Variants in MACF1 observed in about 807,000 individuals in gnomAD.
The protein encoded by MACF1 is microtubule actin crosslinking factor 1.
A neutral mutation model predicts 854.8 loss-of-function variants in MACF1; 193 were observed. The ratio of observed to expected loss-of-function variants is 0.23; its 90% CI spans 0.20 to 0.25. The LOEUF is 0.25. Ranked by LOEUF, MACF1 falls within the 10% of genes least tolerant of loss-of-function variation. The probability of loss-of-function intolerance (pLI) is 1.00; values close to 1 mark genes in which losing one functional copy is unlikely to be tolerated. For synonymous variants in MACF1, 3,185 were observed against 3,226.7 expected (o/e 0.99, Z 0.44); for missense variants, 7,722 against 8,929.1 (o/e 0.86, Z 5.45).
intron 44 of MACF1, among the ~76,000 whole-genome samples, chr1:39,355,362 A>G (rs989544504): frequency 6.6e-6 from 1 of 151,824 alleles, no homozygotes; most frequent in African/African-American, 2.4e-5. Flanking sequence ...AATGAAGGAC[A>G]CCTAGGTGAT....
At position 39,451,163 on chromosome 1, in the gene MACF1, C is replaced by T. The variant is rs201606413; in HGVS notation, c.20370C>T (p.Pro6790=). Residue 6790 remains proline, a synonymous_variant, in exon 85 of 101, where the codon CCC becomes CCT. Coordinates refer to ENST00000564288, the MANE Select transcript of MACF1 (RefSeq NM_001394062.1). The part of the protein sequence containing the change: ...KVEPQLAEDQ[P]VHGDLDLVMN... ...AGCCACAGCTGGCTGAGGACCAGCCCGTGCACGGGGACCTTGACCTCGTCA... is the reference window on the plus strand; with the variant it reads ...AGCCACAGCTGGCTGAGGACCAGCCTGTGCACGGGGACCTTGACCTCGTCA... 48 of 1,613,942 alleles carry T rather than the reference C, an allele frequency of 3.0e-5. No individual in the cohort carries two copies. The highest frequency in any genetic ancestry group is 4.5e-5 in the East Asian group (2 of 44,874).
chr1:39,208,336 C>T (rs183242966), intron 1 of MACF1, among the ~76,000 whole-genome samples: 113 of 152,154 alleles, frequency 7.4e-4, no homozygotes, highest in Non-Finnish European at 1.5e-3. Flanking sequence ...CCTTCCTTGA[C>T]TGAAATACGA....
At position 39,269,709 on chromosome 1, in the gene MACF1, G is replaced by A. The variant is rs1483900191; in HGVS notation, c.528+11681G>A. ...GGAGGCAAGCCACACCCCATCATGG[G>A]GTCTGGAAGAGGTAGGTGGGCATGT... On this transcript the variant is annotated intron_variant, in intron 6 of 100. Transcript: ENST00000564288. 4 of 1,289,144 alleles carry A rather than the reference G, an allele frequency of 3.1e-6. No individual in the cohort carries two copies. The East Asian group carries it at 1.7e-4, about 54-fold the overall frequency. 79.9% of individuals were successfully genotyped at this position (1,289,144 alleles called of 1,614,324 possible). A position where few individuals can be genotyped will look rare whatever the true frequency, so the allele number is the denominator to read the frequency against.
At chr1:39,233,354 A>G (rs886273055) in intron 2 of MACF1, among the ~76,000 whole-genome samples, 1 of 152,058 alleles carries the variant, frequency 6.6e-6, no homozygotes, top group Non-Finnish European at 1.5e-5. Flanking sequence ...TTTCTTGTTT[A>G]TGGGGCCTTG....
intron 88 of MACF1, 96 bp downstream of exon 88, chr1:39,453,946 C>T: frequency 1.4e-6 from 2 of 1,402,700 alleles, no homozygotes; most frequent in Non-Finnish European, 2.0e-6. Flanking sequence ...ATCTTTCACT[C>T]ACTGTGAATA....
rs1644524932 is a variant in MACF1, at chr1:39,460,126, A to T, written c.21361-506A>T. ...TGCCATTCCAAAGAAACATGCTTGG[A>T]TACAACATTGGGTTCCCAATGCTTC... On this transcript the variant is annotated intron_variant, in intron 91 of 100. Coordinates refer to ENST00000564288, the MANE Select transcript of MACF1 (RefSeq NM_001394062.1). The surrounding 1 kb of genome is among the most constrained non-coding windows in gnomAD (Gnocchi z 4.1). 6.6e-6 allele frequency among the ~76,000 whole-genome samples: 1 copy of T among 152,234 alleles called. No individual in the cohort carries two copies. The highest frequency in any genetic ancestry group is 2.1e-4 in the South Asian group (1 of 4,826).
chr1:39,335,283 A>G lies in MACF1; in HGVS notation c.8695A>G (p.Arg2899Gly), dbSNP rs1646791622. ...ECDFKLKEVA[R>G]NNMGNDTNEE... ...TGATTTTAAACTTAAAGAAGTGGCT[A>G]GAAATAACATGGGAAATGATACAAA... The change falls in exon 37 of 101, where the codon AGA becomes GGA. Residue 2899 changes from arginine (R) to glycine (G), a missense_variant. Physicochemically the swap from Arg to Gly is moderately radical, Grantham distance 125 (BLOSUM62 -2). Transcript: ENST00000564288. 2 of 1,613,984 alleles carry G rather than the reference A, an allele frequency of 1.2e-6. No individual in the cohort carries two copies. Among genetic ancestry groups the G allele is most frequent in the Non-Finnish European group, 1.7e-6 (2 of 1,179,982 alleles).
intron 1 of MACF1, among the ~76,000 whole-genome samples, chr1:39,218,663 G>C (rs1344754431): frequency 6.6e-6 from 1 of 152,122 alleles, no homozygotes; most frequent in African/African-American, 2.4e-5. Flanking sequence ...TTTTGTTACC[G>C]TGCTTACCCC....
chr1:39,230,353 A>G (rs780343694), intron 1 of MACF1, among the ~76,000 whole-genome samples: 12 of 152,180 alleles, frequency 7.9e-5, no homozygotes, highest in Non-Finnish European at 1.8e-4. Context: ...GCCATGTGGA[A>G]GGGGATAGGC....
intron 21 of MACF1, chr1:39,298,776 C>T (rs932503603): frequency 2.7e-6 from 1 of 373,768 alleles, no homozygotes; most frequent in Non-Finnish European, 5.2e-6. Context: ...TCTAAAATGT[C>T]TCTCTCAGAG....
intron 52 of MACF1, among the ~76,000 whole-genome samples, chr1:39,376,939 G>A (rs550960601): frequency 4.3e-4 from 65 of 151,804 alleles, no homozygotes; most frequent in African/African-American, 1.3e-3. Flanking sequence ...GCCTAGGCTG[G>A]TCTTAAACTT....
intron 2 of MACF1, among the ~76,000 whole-genome samples, chr1:39,091,517 G>C (rs571661897): frequency 8.6e-5 from 13 of 151,884 alleles, no homozygotes; most frequent in Non-Finnish European, 1.8e-4. Context: ...TTTTTTTTGA[G>C]ACAGAGTCTC....
chr1:39,351,104 G>C (rs752517088), intron 43 of MACF1, 86 bp downstream of exon 43: 40 of 936,864 alleles, frequency 4.3e-5, no homozygotes, highest in South Asian at 2.5e-4. Context: ...GGGAAAACAG[G>C]CTTATAGCAT....
intron 2 of MACF1, among the ~76,000 whole-genome samples, chr1:39,107,497 A>G (rs2148139019): frequency 6.7e-6 from 1 of 149,288 alleles, no homozygotes; most frequent in East Asian, 1.9e-4. Context: ...GTGGTCGTGC[A>G]GTCTGCTCTT....
chr1:39,200,252 C>A (rs187644929), upstream of MACF1, among the ~76,000 whole-genome samples: 1 of 152,300 alleles, frequency 6.6e-6, no homozygotes, highest in East Asian at 1.9e-4. Flanking sequence ...TTTGGGTCTC[C>A]CTCTAATCCA....
At chr1:39,268,464 G>C (rs1485260844) in intron 6 of MACF1, 1 of 1,107,504 alleles carries the variant, frequency 9.0e-7, no homozygotes, top group African/African-American at 1.7e-5. Flanking sequence ...ACTGCAGTGA[G>C]ATGCTTTGAA....
Position 39,357,763 on chromosome 1 carries a change from C to T in MACF1, c.11813C>T (p.Thr3938Ile). The change falls in exon 45 of 101, where the codon ACT (threonine) becomes ATT (isoleucine). Residue 3938 changes from threonine (T) to isoleucine (I), a missense_variant. By Grantham distance (89) the Thr-to-Ile change is moderately conservative. This residue lies in a region of MACF1 where 2,807 missense variants were observed against 3,235.8 expected (regional missense o/e 0.87). Coordinates refer to ENST00000564288, the MANE Select transcript of MACF1 (RefSeq NM_001394062.1). ...CACAAAGGAGACTTGAGATTTGTGA[C>T]TATCTCAGGACAGAAAGTCTTGGAC... ...ISHKGDLRFV[T>I]ISGQKVLDME... 1.9e-6 allele frequency: 3 copies of T among 1,614,128 alleles called. No homozygotes were observed. Among genetic ancestry groups the T allele is most frequent in the Non-Finnish European group, 2.5e-6 (3 of 1,180,014 alleles).
Position 39,442,236 on chromosome 1 carries a change from G to A in MACF1, c.18864G>A (p.Glu6288=), listed in dbSNP as rs750919176. ...GELMLKKATD[E]TDRDIIREPL... ...TGATGTTAAAGAAAGCTACTGATGAGACGGACAGAGACATTATACGAGAAC... is the reference window on the plus strand; with the variant it reads ...TGATGTTAAAGAAAGCTACTGATGAAACGGACAGAGACATTATACGAGAAC... The change falls in exon 76 of 101, where the codon GAG becomes GAA. Residue 6288 remains glutamate, a synonymous_variant. Transcript: ENST00000564288. 1.2e-6 allele frequency: 2 copies of A among 1,610,112 alleles called. No individual in the cohort carries two copies. The highest frequency in any genetic ancestry group is 1.3e-5 in the African/African-American group (1 of 74,610).
At chr1:39,423,978 C>T (rs772660808) in intron 60 of MACF1, 50 bp from the exon 61 acceptor site, 11 of 1,452,132 alleles carry the variant, frequency 7.6e-6, no homozygotes, top group Admixed American at 2.1e-5. Context: ...CTTCCTAGTT[C>T]AGATTTCAAA....
Sources: gnomAD v4.1 joint callset for allele counts (sites outside exome capture counted in the v4.1 genomes callset) on GRCh38, gnomAD v4.1.1 for gene constraint, gnomAD v4.1.1 regional missense constraint, Gnocchi (gnomAD v3.1) non-coding constraint, MANE v1.5 for transcripts, NCBI Gene and HGNC (gene_info 2026-07-23, HGNC 2026-07-21) for gene names.